The following CTNND1 variants were observed in gnomAD, a reference collection of about 807,000 sequenced individuals.
CTNND1 encodes the protein catenin delta 1.
A neutral mutation model predicts 112.1 loss-of-function variants in CTNND1; 16 were observed. The ratio of observed to expected loss-of-function variants is 0.14; its 90% CI spans 0.10 to 0.22. CTNND1 has a LOEUF of 0.22. CTNND1 is among the 10% of genes least tolerant of loss of function. CTNND1 has a pLI of 1.00. For missense variants in CTNND1, 1,008 were observed against 1,257.0 expected (o/e 0.80, Z 3.00); for synonymous variants, 420 against 446.5 (o/e 0.94, Z 0.75).
At position 57,795,711 on chromosome 11, in the gene CTNND1, T is replaced by C; in HGVS notation, c.402T>C (p.Thr134=). ...TGGAGACCTCAGATGATGGGACCAC[T>C]CGGCGCACAGAGACCACGGTAAACT... The part of the protein sequence containing the change: ...VSVETSDDGT[T]RRTETTVKKV... The change falls in exon 5 of 21, where the codon ACT becomes ACC. Residue 134 remains threonine (T), a synonymous_variant. Transcript: ENST00000399050. The C allele has an allele frequency of 6.2e-7, 1 of 1,601,516 alleles. No individual in the cohort carries two copies. Among genetic ancestry groups the C allele is most frequent in the South Asian group, 1.1e-5 (1 of 88,872 alleles).
At chr11:57,762,157 T>G (rs1465683386) in intron 1 of CTNND1, 38 bp downstream of exon 1, 2 of 886,758 alleles carry the variant, frequency 2.3e-6, no homozygotes, top group Admixed American at 6.2e-5. Flanking sequence ...GAGTCTGTTA[T>G]GCTGATGAGT....
chr11:57,768,312 G>A (rs560899118), intron 1 of CTNND1, among the ~76,000 whole-genome samples: 62 of 150,456 alleles, frequency 4.1e-4, no homozygotes, highest in African/African-American at 1.4e-3. Context: ...TATGAGAATG[G>A]ATAACTTTAG....
chr11:57,803,753 C>G lies in CTNND1; in HGVS notation c.1553C>G (p.Pro518Arg). 1 of 1,613,044 alleles carries G rather than the reference C, an allele frequency of 6.2e-7. No individual in the cohort carries two copies. Among genetic ancestry groups the G allele is most frequent in the Non-Finnish European group, 8.5e-7 (1 of 1,179,500 alleles). The change falls in exon 8 of 21, where the codon CCA (proline) becomes CGA (arginine). Residue 518 changes from proline to arginine, a missense_variant. Physicochemically the swap from Pro to Arg is moderately radical, Grantham distance 103 (BLOSUM62 -2). Coordinates refer to ENST00000399050, the MANE Select transcript of CTNND1 (RefSeq NM_001085458.2). ...CGGGAACCTAATGAAGACTGTAAGCCACGCCACATTGAGTGGGAATCGGTG... is the reference window on the plus strand; with the variant it reads ...CGGGAACCTAATGAAGACTGTAAGCGACGCCACATTGAGTGGGAATCGGTG... ...WEREPNEDCK[P>R]RHIEWESVLT...
At chr11:57,772,080 C>T (rs1171467374) in intron 1 of CTNND1, among the ~76,000 whole-genome samples, 1 of 151,132 alleles carries the variant, frequency 6.6e-6, no homozygotes, top group Non-Finnish European at 1.5e-5. Flanking sequence ...CACTACTACA[C>T]CCAGCTAATT....
intron 4 of CTNND1, among the ~76,000 whole-genome samples, chr11:57,794,931 G>C (rs2061201957): frequency 6.6e-6 from 1 of 150,720 alleles, no homozygotes; most frequent in African/African-American, 2.4e-5. Flanking sequence ...GGCGTGGTTT[G>C]CTCATTCCTG....
At position 57,762,129 on chromosome 11, in the gene CTNND1, G is replaced by A; in HGVS notation, c.-214+10G>A. ...GAATTTTTGTCTTACGGTAACCGGA[G>A]GGAATTAAAAAACGGGAGAGTCTGT... On this transcript the variant is annotated intron_variant, in intron 1 of 20. Transcript: ENST00000399050. 1 of 983,696 alleles carries A rather than the reference G, an allele frequency of 1.0e-6. No individual in the cohort carries two copies. Among genetic ancestry groups the A allele is most frequent in the Non-Finnish European group, 1.2e-6 (1 of 828,362 alleles). The allele number at this position is 983,696 out of a possible 1,614,324, so 60.9% of individuals were successfully genotyped here. A position where few individuals can be genotyped will look rare whatever the true frequency, so the allele number is the denominator to read the frequency against.
chr11:57,766,945 A>G (rs1178125075), intron 1 of CTNND1, among the ~76,000 whole-genome samples: 1 of 151,492 alleles, frequency 6.6e-6, no homozygotes, highest in Non-Finnish European at 1.5e-5. Context: ...ATAGTGGGGG[A>G]ATTATAAAGA....
At chr11:57,778,999 C>G (rs7117652) in intron 1 of CTNND1, among the ~76,000 whole-genome samples, 1 of 152,176 alleles carries the variant, frequency 6.6e-6, no homozygotes, top group Non-Finnish European at 1.5e-5. Flanking sequence ...GTCCTGATCT[C>G]TTAGCACTGG....
intron 9 of CTNND1, 76 bp downstream of exon 9, chr11:57,804,856 C>G: frequency 9.6e-7 from 1 of 1,046,186 alleles, no homozygotes; most frequent in Admixed American, 2.1e-5. Flanking sequence ...GGTCAGAGAC[C>G]TATCATCTCA....
chr11:57,798,618 C>T (rs2061641271), intron 6 of CTNND1, among the ~76,000 whole-genome samples: 1 of 152,050 alleles, frequency 6.6e-6, no homozygotes, highest in Non-Finnish European at 1.5e-5. Context: ...AAGCAGCTGC[C>T]TACTCTGACT....
At chr11:57,765,921 G>T (rs1443483718) in intron 1 of CTNND1, among the ~76,000 whole-genome samples, 1 of 152,084 alleles carries the variant, frequency 6.6e-6, no homozygotes, top group African/African-American at 2.4e-5. Context: ...CTGTGATCCC[G>T]GCAGTTTGGG....
intron 17 of CTNND1, among the ~76,000 whole-genome samples, chr11:57,813,562 GTTAA>G (rs2063614549): frequency 6.6e-6 from 1 of 152,152 alleles, no homozygotes; most frequent in Non-Finnish European, 1.5e-5. Flanking sequence ...TGAAGTGATT[GTTAA>G]TTATAGATTC....
Position 57,788,861 on chromosome 11 carries a change from C to CT in CTNND1, c.-213-175dup, listed in dbSNP as rs1365792471. The stretch of plus-strand genomic sequence containing the variant: ...TTTTAATGAAAATGACATCCAAGGC[C>CT]TAGGTATCTGAACACAACAAGGTCT... On this transcript the variant is annotated intron_variant, in intron 1 of 20. Transcript: ENST00000399050. The surrounding 1 kb of genome is among the most constrained non-coding windows in gnomAD (Gnocchi z 4.1). 1.3e-5 allele frequency among the ~76,000 whole-genome samples: 2 copies of CT among 152,146 alleles called. No individual in the cohort carries two copies. The highest frequency in any genetic ancestry group is 4.8e-5 in the African/African-American group (2 of 41,436).
rs572079200 is a variant in CTNND1, at chr11:57,818,929, T to C, written c.*2621T>C. The C allele has an allele frequency of 6.6e-6, 1 of 152,312 alleles. No homozygotes were observed. The highest frequency in any genetic ancestry group is 1.5e-5 in the Non-Finnish European group (1 of 68,006). 9.4% of individuals were successfully genotyped at this position (152,312 alleles called of 1,614,324 possible). ...AAGTACTGACCACTGGGCCATAATG[T>C]TGCTTCTCAGGCTATATGCAGTCCT... On this transcript the variant is annotated 3_prime_UTR_variant, in exon 21 of 21. Transcript: ENST00000399050.
At chr11:57,791,713 G>A (rs1250883889) in intron 3 of CTNND1, 40 bp downstream of exon 3, 8 of 1,491,898 alleles carry the variant, frequency 5.4e-6, no homozygotes, top group African/African-American at 1.4e-5. Flanking sequence ...TAGGACTTTG[G>A]CATGGTCACA....
chr11:57,816,252 A>G (rs180680685), intron 20 of CTNND1, 45 bp from the exon 21 acceptor site: 449 of 1,613,196 alleles, frequency 2.8e-4, no homozygotes, highest in Admixed American at 2.3e-3. Context: ...GGTCTCCTTA[A>G]TCCCAACCCC....
intron 1 of CTNND1, among the ~76,000 whole-genome samples, chr11:57,784,932 T>C (rs890951781): frequency 2.0e-5 from 3 of 152,194 alleles, no homozygotes; most frequent in Non-Finnish European, 4.4e-5. Context: ...AGAGTTCACA[T>C]AGGCTATGGT....
At chr11:57,778,281 C>T (rs563286562) in intron 1 of CTNND1, among the ~76,000 whole-genome samples, 6 of 152,048 alleles carry the variant, frequency 3.9e-5, no homozygotes, top group Non-Finnish European at 8.8e-5. Context: ...GTTTGAAAGG[C>T]TGAAAACAGA....
chr11:57,765,451 C>T (rs1281305359), intron 1 of CTNND1, among the ~76,000 whole-genome samples: 1 of 147,360 alleles, frequency 6.8e-6, no homozygotes, highest in Non-Finnish European at 1.5e-5. Flanking sequence ...TTATGCGTCT[C>T]CTCCCTTAAT....
Sources: allele counts gnomAD v4.1 joint callset (sites outside exome capture counted in the v4.1 genomes callset), GRCh38; gene constraint gnomAD v4.1.1; non-coding constraint Gnocchi (gnomAD v3.1); transcripts MANE v1.5; gene names NCBI Gene and HGNC (gene_info 2026-07-23, HGNC 2026-07-21).